The following MCF2L variants were observed in gnomAD, a reference collection of about 807,000 sequenced individuals.
MCF2L encodes guanine nucleotide exchange factor DBS.
In MCF2L, 97 loss-of-function variants were observed where a neutral mutation model predicts 153.4. The observed-to-expected ratio is 0.63, with a 90% CI of 0.54 to 0.75. The LOEUF (loss-of-function observed/expected upper bound fraction) is 0.75, where lower values mean the gene tolerates loss of function less well. Ranked by LOEUF, MCF2L falls within the 30% of genes least tolerant of loss-of-function variation. The pLI is 0.00. For synonymous variants in MCF2L, 659 were observed against 632.2 expected, an observed-to-expected ratio of 1.04 and a Z score of -0.64; for missense variants, 1,347 against 1,495.2, an observed-to-expected ratio of 0.90 and a Z score of 1.64.
chr13:112,942,457 C>T (rs3011483), intron 2 of MCF2L, among the ~76,000 whole-genome samples: 59,415 of 151,168 alleles, frequency 0.39, 11,824 homozygotes, highest in East Asian at 0.61. Flanking sequence ...GCCTGGCATT[C>T]GGGGCCACTA....
Position 112,932,954 on chromosome 13 carries a change from G to T in MCF2L, c.169+30583G>T, listed in dbSNP as rs1242742021. Among the ~76,000 whole-genome samples, 3 of 152,086 alleles carry T rather than the reference G, an allele frequency of 2.0e-5. No homozygotes were observed. The highest frequency in any genetic ancestry group is 7.2e-5 in the African/African-American group (3 of 41,416). On this transcript the variant is annotated intron_variant, in intron 2 of 29. Transcript: ENST00000375608. This position sits in a 1 kb window ranked among gnomAD's most constrained non-coding sequence, Gnocchi z 4.6. The stretch of plus-strand genomic sequence containing the variant: ...GCTGAGACAGGAGAATTGCTTGAAC[G>T]CAGGAGGTGGAGATTTTAGTGAGGC...
chr13:112,911,708 C>G (rs972241984), intron 2 of MCF2L, among the ~76,000 whole-genome samples: 4 of 152,380 alleles, frequency 2.6e-5, no homozygotes, highest in African/African-American at 9.6e-5. Flanking sequence ...CTGCGCCAGC[C>G]TTTCCTCACA....
In MCF2L at chr13:113,046,508, G is replaced by C. The variant is rs1194426134; in HGVS notation, c.369+1147G>C. ...CCTTTGGGTTCCCCAGCCTCTCGGT[G>C]GCTGCTGGCTGGTGCGCCAAGGTTT... On this transcript the variant is annotated intron_variant, in intron 4 of 29. Transcript: ENST00000535094. The surrounding 1 kb of genome is among the most constrained non-coding windows in gnomAD (Gnocchi z 4.4). The C allele has an allele frequency of 1.9e-6, 1 of 529,024 alleles. No individual in the cohort carries two copies. Among genetic ancestry groups the C allele is most frequent in the Non-Finnish European group, 3.9e-6 (1 of 258,320 alleles). 32.8% of individuals were successfully genotyped at this position (529,024 alleles called of 1,614,324 possible).
Position 112,906,791 on chromosome 13 carries a change from G to A in MCF2L, c.169+4420G>A, listed in dbSNP as rs1053521914. Among the ~76,000 whole-genome samples the A allele has an allele frequency of 2.6e-5, 4 of 152,318 alleles. No individual in the cohort carries two copies. The South Asian group carries it at 6.2e-4, about 24-fold the overall frequency. ...GAGGTGAGGTGCCCCCGGCACAGGC[G>A]AGCACCTCTAGCTCTAGGGTGGCTT... On this transcript the variant is annotated intron_variant, in intron 2 of 29. Transcript: ENST00000375608.
chr13:113,034,259 C>T (rs1350736735), intron 3 of MCF2L: 3 of 152,032 alleles, frequency 2.0e-5, no homozygotes, highest in African/African-American at 7.3e-5. Context: ...ACCTCAGCCT[C>T]CCGAGTAGCT....
chr13:113,082,881 G>A (rs1009406981), intron 17 of MCF2L, among the ~76,000 whole-genome samples: 2 of 152,200 alleles, frequency 1.3e-5, no homozygotes, highest in Admixed American at 1.3e-4. Flanking sequence ...TGCTGGGCAG[G>A]TGGAAGCCGG....
rs578225734 is a variant in MCF2L, at chr13:112,984,441, T to C, written c.79+14983T>C. On this transcript the variant is annotated intron_variant, in intron 1 of 29. Coordinates refer to ENST00000535094, the MANE Select transcript of MCF2L (RefSeq NM_001112732.3). ...TTAGTAGAGATGGAGTTTCGCCATG[T>C]TGGCCAGGCTGGTCTCAAACTTCTG... 7.2e-5 allele frequency among the ~76,000 whole-genome samples: 11 copies of C among 152,306 alleles called. No individual in the cohort carries two copies. In the East Asian group the frequency reaches 2.1e-3, roughly 29 times the overall value.
intron 2 of MCF2L, among the ~76,000 whole-genome samples, chr13:112,961,936 A>C (rs970308402): frequency 1.3e-5 from 2 of 152,014 alleles, no homozygotes; most frequent in African/African-American, 2.4e-5. Context: ...CACCTCCTCC[A>C]GTTTCTGCCT....
chr13:113,001,376 T>A (rs2083367305), intron 1 of MCF2L: 1 of 152,524 alleles, frequency 6.6e-6, no homozygotes, highest in Admixed American at 6.5e-5. Context: ...GCAGAAGGCT[T>A]GGCCCCTGGG....
chr13:113,074,495 A>G lies in MCF2L; in HGVS notation c.1048A>G (p.Ile350Val), dbSNP rs1166367072. Residue 350 changes from isoleucine to valine, a missense_variant, in exon 10 of 30, where the codon ATC becomes GTC. This residue lies in a region of MCF2L where 820 missense variants were observed against 921.2 expected (regional missense o/e 0.89). Transcript: ENST00000535094. This position sits in a 1 kb window ranked among gnomAD's most constrained non-coding sequence, Gnocchi z 4.2. ...ASQKIATFTD[I>V]GNSLAHVEHL... is the part of the protein sequence containing the mutation. ...CCAGAAGATAGCAACCTTCACAGAC[A>G]TCGGCAACAGCCTGGCGCATGTGGA... 3.7e-6 allele frequency: 6 copies of G among 1,613,986 alleles called. No individual in the cohort carries two copies. The highest frequency in any genetic ancestry group is 2.2e-5 in the East Asian group (1 of 44,900).
intron 1 of MCF2L, among the ~76,000 whole-genome samples, chr13:112,985,916 C>T (rs528384416): frequency 2.6e-5 from 4 of 152,300 alleles, no homozygotes; most frequent in Non-Finnish European, 4.4e-5. Context: ...GCCTGAGGAT[C>T]GGCCCCGGCA....
At chr13:112,974,957 G>A (rs1020987895) in intron 1 of MCF2L, among the ~76,000 whole-genome samples, 1 of 152,164 alleles carries the variant, frequency 6.6e-6, no homozygotes, top group Non-Finnish European at 1.5e-5. Flanking sequence ...CGCCTACGAC[G>A]TGCAGGCAGC....
At chr13:112,913,998 G>A (rs1271778726) in intron 2 of MCF2L, among the ~76,000 whole-genome samples, 1 of 152,156 alleles carries the variant, frequency 6.6e-6, no homozygotes, top group African/African-American at 2.4e-5. Context: ...GTTGCGTTGG[G>A]ACGTAATTCC....
rs995223215 is a variant in MCF2L at position 113,045,052 on chromosome 13, C to T, written c.279-219C>T. On this transcript the variant is annotated intron_variant, in intron 3 of 29. Coordinates refer to ENST00000535094, the MANE Select transcript of MCF2L (RefSeq NM_001112732.3). The surrounding 1 kb of genome is among the most constrained non-coding windows in gnomAD (Gnocchi z 4.2). ...TTGGTGTTAGGCTGAGAAATAAGAA[C>T]ACACCAAAAGTGCCTGCCCTTCCGT... The T allele has an allele frequency of 2.8e-6, 3 of 1,086,846 alleles. No individual in the cohort carries two copies. Among genetic ancestry groups the T allele is most frequent in the African/African-American group, 1.6e-5 (1 of 63,664 alleles). The allele number at this position is 1,086,846 out of a possible 1,614,324, so 67.3% of individuals were successfully genotyped here.
chr13:112,987,233 C>T (rs1336526729), intron 1 of MCF2L, among the ~76,000 whole-genome samples: 3 of 151,960 alleles, frequency 2.0e-5, no homozygotes, highest in African/African-American at 7.3e-5. Context: ...AAGGCATCTC[C>T]CTCCACCTGC....
intron 1 of MCF2L, among the ~76,000 whole-genome samples, chr13:113,011,451 G>A (rs1291252603): frequency 6.6e-6 from 1 of 151,484 alleles, no homozygotes; most frequent in East Asian, 1.9e-4. Flanking sequence ...TGGTGTGGAT[G>A]GTGGACACTG....
intron 2 of MCF2L, among the ~76,000 whole-genome samples, chr13:113,018,553 A>C (rs1194910708): frequency 4.6e-5 from 7 of 152,194 alleles, no homozygotes; most frequent in African/African-American, 1.7e-4. Context: ...CTCCAAACCC[A>C]GAGGCAATGG....
chr13:113,020,939 G>T lies in MCF2L; in HGVS notation c.164-3705G>T, dbSNP rs1399024490. 2.6e-5 allele frequency among the ~76,000 whole-genome samples: 4 copies of T among 152,000 alleles called. No homozygotes were observed. The East Asian group carries it at 7.7e-4, about 29-fold the overall frequency. On this transcript the variant is annotated intron_variant, in intron 2 of 29. Coordinates refer to ENST00000535094, the MANE Select transcript of MCF2L (RefSeq NM_001112732.3). ...GTGTATGTGTAGTGTGTATGCATGT[G>T]CATGTGTAGCTGTGTATGTGTATAT...
intron 1 of MCF2L, among the ~76,000 whole-genome samples, chr13:112,977,427 C>T (rs368344388): frequency 2.0e-5 from 3 of 152,026 alleles, no homozygotes; most frequent in Admixed American, 1.3e-4. Context: ...AGAGGACGGC[C>T]GCGTTTTCAC....
Sources: gnomAD v4.1 joint callset for allele counts (sites outside exome capture counted in the v4.1 genomes callset) on GRCh38, gnomAD v4.1.1 for gene constraint, gnomAD v4.1.1 regional missense constraint, Gnocchi (gnomAD v3.1) non-coding constraint, MANE v1.5 for transcripts, NCBI Gene and HGNC (gene_info 2026-07-23, HGNC 2026-07-21) for gene names.